Variants in DSCAML1 observed in about 807,000 individuals in gnomAD.
DSCAML1 encodes the protein cell adhesion molecule DSCAML1.
A neutral mutation model predicts 200.5 loss-of-function variants in DSCAML1; 38 were observed. The observed-to-expected ratio is 0.19, with a 90% CI of 0.15 to 0.25. The LOEUF (loss-of-function observed/expected upper bound fraction) is 0.25. Ranked by LOEUF, DSCAML1 falls within the 10% of genes least tolerant of loss-of-function variation. DSCAML1 has a pLI of 1.00. For synonymous variants in DSCAML1, 1,215 were observed against 1,165.0 expected (o/e 1.04, Z -0.87); for missense variants, 2,223 against 2,858.8 (o/e 0.78, Z 5.07).
At chr11:117,733,143 C>CAG (rs76276474) in intron 3 of DSCAML1, among the ~76,000 whole-genome samples, 8 of 151,938 alleles carry the variant, frequency 5.3e-5, no homozygotes, top group Non-Finnish European at 1.2e-4. Flanking sequence ...GGAGGACATG[C>CAG]GGGGGAAGGG....
At chr11:117,718,018 G>T (rs11216513) in intron 3 of DSCAML1, among the ~76,000 whole-genome samples, 9,367 of 152,248 alleles carry the variant, frequency 0.062, 439 homozygotes, top group East Asian at 0.12. Context: ...ACAAGGCCCA[G>T]CTCAACAGCT....
chr11:117,635,318 C>T (rs375826885), intron 3 of DSCAML1, among the ~76,000 whole-genome samples: 1 of 152,138 alleles, frequency 6.6e-6, no homozygotes, highest in African/African-American at 2.4e-5. Flanking sequence ...ACCATTTCAT[C>T]CCTGGCTGGT....
At position 117,503,202 on chromosome 11, in the gene DSCAML1, G is replaced by T. The variant is rs1468435897; in HGVS notation, c.2359+643C>A. Among the ~76,000 whole-genome samples, 1 of 152,328 alleles carries T rather than the reference G, an allele frequency of 6.6e-6. No homozygotes were observed. Among genetic ancestry groups the T allele is most frequent in the Admixed American group, 6.5e-5 (1 of 15,308 alleles). ...TTAGAAGCCGTGGGGGCAGCACCGA[G>T]TTGTAATGAGCTGCATTGGTCCTTG... On this transcript the variant is annotated intron_variant, in intron 11 of 32. Coordinates refer to ENST00000651296, the MANE Select transcript of DSCAML1 (RefSeq NM_020693.4). This position sits in a 1 kb window ranked among gnomAD's most constrained non-coding sequence, Gnocchi z 5.2.
intron 18 of DSCAML1, among the ~76,000 whole-genome samples, chr11:117,460,606 G>A (rs1370189016): frequency 6.6e-6 from 1 of 152,170 alleles, no homozygotes; most frequent in African/African-American, 2.4e-5. Context: ...CAAGTCTCCA[G>A]GTCACGTGAA....
At chr11:117,533,754 C>T (rs548520834) in intron 3 of DSCAML1, among the ~76,000 whole-genome samples, 1 of 152,088 alleles carries the variant, frequency 6.6e-6, no homozygotes, top group African/African-American at 2.4e-5. Context: ...AAGGCTCACC[C>T]TGACCTTGAG....
At chr11:117,748,632 A>G (rs2054554575) in intron 3 of DSCAML1, among the ~76,000 whole-genome samples, 1 of 152,104 alleles carries the variant, frequency 6.6e-6, no homozygotes, top group African/African-American at 2.4e-5. Context: ...CCTGCAATCC[A>G]CTTTGGAGAT....
chr11:117,742,698 C>T (rs1462436776), intron 3 of DSCAML1, among the ~76,000 whole-genome samples: 3 of 152,156 alleles, frequency 2.0e-5, no homozygotes, highest in South Asian at 2.1e-4. Flanking sequence ...TATCAACAAA[C>T]GCACACAGCA....
chr11:117,506,161 TG>T (rs1187957132), intron 8 of DSCAML1, among the ~76,000 whole-genome samples: 1 of 152,180 alleles, frequency 6.6e-6, no homozygotes, highest in Non-Finnish European at 1.5e-5. Flanking sequence ...AGCGTGGTGC[TG>T]GGACTGTCCC....
In DSCAML1 at chr11:117,481,184, G is replaced by A; in HGVS notation, c.2646C>T (p.Leu882=). ...SYGEDRGLIQ[L]TVQEPPDPPE... is the part of the protein sequence containing the mutation. ...GGCAGGTGAAGGTACCTTGCACAGT[G>A]AGTTGGATCAAGCCCCGGTCCTCCC... is the stretch of plus-strand genomic sequence containing the variant. The change falls in exon 13 of 33, where the codon CTC becomes CTT. Residue 882 remains leucine (L), a synonymous_variant. Transcript: ENST00000651296. The A allele has an allele frequency of 6.2e-7, 1 of 1,613,900 alleles. No individual in the cohort carries two copies. Among genetic ancestry groups the A allele is most frequent in the Non-Finnish European group, 8.5e-7 (1 of 1,179,974 alleles).
At chr11:117,559,845 C>T (rs892137902) in intron 3 of DSCAML1, among the ~76,000 whole-genome samples, 4 of 150,914 alleles carry the variant, frequency 2.7e-5, no homozygotes, top group Non-Finnish European at 5.9e-5. Context: ...ACTCAGGTGT[C>T]GGGATGTCAG....
intron 3 of DSCAML1, among the ~76,000 whole-genome samples, chr11:117,572,904 C>CG: frequency 6.6e-6 from 1 of 152,276 alleles, no homozygotes; most frequent in Non-Finnish European, 1.5e-5. Context: ...AGGCATCGCC[C>CG]GGGGGCAGAG....
intron 3 of DSCAML1, among the ~76,000 whole-genome samples, chr11:117,736,501 A>C (rs1314852524): frequency 2.6e-5 from 4 of 152,230 alleles, no homozygotes; most frequent in Non-Finnish European, 5.9e-5. Context: ...GCAAAATGAG[A>C]GAGAACTACA....
intron 3 of DSCAML1, among the ~76,000 whole-genome samples, chr11:117,690,718 C>A (rs754735387): frequency 1.3e-5 from 2 of 152,190 alleles, no homozygotes; most frequent in Non-Finnish European, 2.9e-5. Flanking sequence ...TGTGCGTAGG[C>A]CAGGCAGGTC....
At chr11:117,526,726 C>T (rs1403828844) in intron 4 of DSCAML1, among the ~76,000 whole-genome samples, 1 of 152,118 alleles carries the variant, frequency 6.6e-6, no homozygotes, top group Non-Finnish European at 1.5e-5. Flanking sequence ...CCATCTTGGC[C>T]AGGCTGGTCT....
At chr11:117,566,498 C>T (rs1327483272) in intron 3 of DSCAML1, among the ~76,000 whole-genome samples, 2 of 151,914 alleles carry the variant, frequency 1.3e-5, no homozygotes, top group Non-Finnish European at 2.9e-5. Flanking sequence ...CAGGTGACAC[C>T]CACCATGCCC....
chr11:117,606,783 A>G (rs2051575369), intron 3 of DSCAML1, among the ~76,000 whole-genome samples: 1 of 152,208 alleles, frequency 6.6e-6, no homozygotes, highest in Non-Finnish European at 1.5e-5. Flanking sequence ...CCATCCCTGC[A>G]TCTTGAGGAG....
At chr11:117,798,372 G>A (rs1363867870), upstream of DSCAML1, among the ~76,000 whole-genome samples, 1 of 152,176 alleles carries the variant, frequency 6.6e-6, no homozygotes, top group Non-Finnish European at 1.5e-5. Flanking sequence ...TGGGAGAATT[G>A]GGACTCCTCA....
At chr11:117,658,561 C>A (rs1284860546) in intron 3 of DSCAML1, among the ~76,000 whole-genome samples, 2 of 152,138 alleles carry the variant, frequency 1.3e-5, no homozygotes, top group Non-Finnish European at 2.9e-5. Context: ...AAGAAGAAGG[C>A]ATAGTTTACG....
At chr11:117,532,755 G>A (rs937984153) in intron 3 of DSCAML1, among the ~76,000 whole-genome samples, 12 of 152,132 alleles carry the variant, frequency 7.9e-5, no homozygotes, top group Admixed American at 3.3e-4. Flanking sequence ...TGGGCTGTGT[G>A]ACCTTGGGAA....
Sources: allele counts gnomAD v4.1 joint callset (sites outside exome capture counted in the v4.1 genomes callset), GRCh38; gene constraint gnomAD v4.1.1; non-coding constraint Gnocchi (gnomAD v3.1); transcripts MANE v1.5; gene names NCBI Gene and HGNC (gene_info 2026-07-23, HGNC 2026-07-21).